The following STAU2 variants were observed in gnomAD, a reference collection of about 807,000 sequenced individuals.
STAU2 encodes the protein double-stranded RNA-binding protein Staufen homolog 2.
STAU2 carries 20 observed loss-of-function variants against 65.9 expected under a neutral mutation model. The ratio of observed to expected loss-of-function variants is 0.30; its 90% CI spans 0.21 to 0.44. STAU2 has a LOEUF of 0.44. STAU2 is among the 20% of genes least tolerant of loss of function. STAU2 has a pLI of 1.00. For synonymous variants in STAU2, 232 were observed against 233.9 expected (o/e 0.99, Z 0.07); for missense variants, 558 against 683.9 (o/e 0.82, Z 2.05).
At chr8:73,579,991 A>G (rs1809864175) in intron 12 of STAU2, among the ~76,000 whole-genome samples, 1 of 152,212 alleles carries the variant, frequency 6.6e-6, no homozygotes, top group South Asian at 2.1e-4. Flanking sequence ...CATGTACATT[A>G]ATGTTTTTTG....
At chr8:73,446,983 C>G (rs1369661127) in intron 13 of STAU2, among the ~76,000 whole-genome samples, 1 of 152,114 alleles carries the variant, frequency 6.6e-6, no homozygotes, top group Non-Finnish European at 1.5e-5. Context: ...GCTCTGTCAC[C>G]CAGGCTGGAG....
intron 12 of STAU2, among the ~76,000 whole-genome samples, chr8:73,567,554 C>CT (rs796990881): frequency 0.025 from 3,678 of 144,408 alleles, 169 homozygotes; most frequent in African/African-American, 0.085. Context: ...GTCTCTCTCT[C>CT]TTTTTTTTTT....
intron 6 of STAU2, among the ~76,000 whole-genome samples, chr8:73,630,188 T>C (rs569783563): frequency 6.6e-6 from 1 of 152,264 alleles, no homozygotes; most frequent in Non-Finnish European, 1.5e-5. Context: ...GAATGCACTA[T>C]GTGGATTTCA....
At chr8:73,492,513 T>G (rs1821200296) in intron 13 of STAU2, among the ~76,000 whole-genome samples, 1 of 151,832 alleles carries the variant, frequency 6.6e-6, no homozygotes, top group Non-Finnish European at 1.5e-5. Flanking sequence ...TTCTACATGA[T>G]TCAGAGTTAA....
At position 73,498,037 on chromosome 8, in the gene STAU2, TTGTG is replaced by T. The variant is rs562589501; in HGVS notation, c.1530+53971_1530+53974del. ...CTCTTAATGTCTAGCACAGGACACA[TTGTG>T]TTTGTAAATTTGCCAGTAAGATAAA... On this transcript the variant is annotated intron_variant, in intron 13 of 14. Coordinates refer to ENST00000524300, the MANE Select transcript of STAU2 (RefSeq NM_001164380.2). Among the ~76,000 whole-genome samples, 56 of 151,866 alleles carry T rather than the reference TTGTG, an allele frequency of 3.7e-4. 1 individual carries two copies. The highest frequency in any genetic ancestry group is 5.5e-4 in the Non-Finnish European group (37 of 67,866).
At position 73,526,657 on chromosome 8, in the gene STAU2, C is replaced by T. The variant is rs10087828; in HGVS notation, c.1530+25355G>A. Among the ~76,000 whole-genome samples, 1,293 of 152,218 alleles carry T rather than the reference C, an allele frequency of 8.5e-3. 15 individuals are homozygous for T. Among genetic ancestry groups the T allele is most frequent in the African/African-American group, 0.026 (1,086 of 41,524 alleles). On this transcript the variant is annotated intron_variant, in intron 13 of 14. Coordinates refer to ENST00000524300, the MANE Select transcript of STAU2 (RefSeq NM_001164380.2). ...TAGAAAGCATAACTGGTTAGTCATACAGAAAACATGTATGTCTACTTACTC... is the reference window on the plus strand; with the variant it reads ...TAGAAAGCATAACTGGTTAGTCATATAGAAAACATGTATGTCTACTTACTC...
At position 73,538,357 on chromosome 8, in the gene STAU2, C is replaced by T. The variant is rs981315349; in HGVS notation, c.1530+13655G>A. On this transcript the variant is annotated intron_variant, in intron 13 of 14. Coordinates refer to ENST00000524300, the MANE Select transcript of STAU2 (RefSeq NM_001164380.2). Reference sequence around the variant, plus strand: ...GGCCATTTACAATACGAAATAAAATCATTAGTGCTATGAATTAAGGAGAAT... The same window carrying T: ...GGCCATTTACAATACGAAATAAAATTATTAGTGCTATGAATTAAGGAGAAT... Among the ~76,000 whole-genome samples the T allele has an allele frequency of 1.9e-4, 29 of 152,044 alleles. 1 individual carries two copies. Among genetic ancestry groups the T allele is most frequent in the African/African-American group, 6.5e-4 (27 of 41,508 alleles).
chr8:73,654,637 CA>C (rs71269928), intron 6 of STAU2, among the ~76,000 whole-genome samples: 2,360 of 26,246 alleles, frequency 0.09, 12 homozygotes, highest in Middle Eastern at 0.33. Context: ...AAGATTGTCT[CA>C]AAAAAAAAAA....
intron 13 of STAU2, among the ~76,000 whole-genome samples, chr8:73,515,771 CTCTTTTTTT>C (rs1822675167): frequency 1.0e-5 from 1 of 95,378 alleles, no homozygotes; most frequent in Non-Finnish European, 2.1e-5. Flanking sequence ...GAAAAAATTT[CTCTTTTTTT>C]TTTTTTTTTT....
chr8:73,655,841 G>C (rs1028895056), intron 6 of STAU2, among the ~76,000 whole-genome samples: 2 of 151,690 alleles, frequency 1.3e-5, no homozygotes, highest in East Asian at 3.9e-4. Context: ...GTAGAGACAG[G>C]GTTTCACCGT....
chr8:73,671,622 T>C (rs1232462973), intron 6 of STAU2, among the ~76,000 whole-genome samples: 3 of 152,150 alleles, frequency 2.0e-5, no homozygotes, highest in African/African-American at 4.8e-5. Context: ...ATAGTGATTA[T>C]TTACTGCAGC....
rs372514902 is a variant in STAU2, at chr8:73,435,530, G to A, written c.1531-12828C>T. ...CAGGTAGCACTCCATATTTCTCTCC[G>A]CCTCTAACACACCCCTCAACCCCAC... is the stretch of plus-strand genomic sequence containing the variant. On this transcript the variant is annotated intron_variant, in intron 13 of 14. Coordinates refer to ENST00000524300, the MANE Select transcript of STAU2 (RefSeq NM_001164380.2). Among the ~76,000 whole-genome samples the A allele has an allele frequency of 1.5e-4, 23 of 151,878 alleles. 1 individual carries two copies. The highest frequency in any genetic ancestry group is 3.2e-4 in the African/African-American group (13 of 41,240).
intron 4 of STAU2, among the ~76,000 whole-genome samples, chr8:73,703,371 A>T (rs1820260523): frequency 6.6e-6 from 1 of 152,190 alleles, no homozygotes; most frequent in Non-Finnish European, 1.5e-5. Flanking sequence ...CCAAAAGCAG[A>T]TGCTGCTATG....
At chr8:73,510,075 CTTTT>C (rs1297931212) in intron 13 of STAU2, among the ~76,000 whole-genome samples, 2 of 150,800 alleles carry the variant, frequency 1.3e-5, no homozygotes, top group African/African-American at 4.9e-5. Context: ...TTTTCTTTTT[CTTTT>C]TTTTTGAGAC....
chr8:73,644,718 AAAG>A (rs1466100745), intron 6 of STAU2, among the ~76,000 whole-genome samples: 1 of 152,176 alleles, frequency 6.6e-6, no homozygotes, highest in Non-Finnish European at 1.5e-5. Flanking sequence ...GACAAAGAAA[AAAG>A]AAGACACAAA....
intron 13 of STAU2, chr8:73,527,727 A>G: frequency 1.3e-6 from 2 of 1,536,714 alleles, no homozygotes; most frequent in South Asian, 1.2e-5. Flanking sequence ...TTCCAATAGC[A>G]TGGAAAGTCA....
At chr8:73,703,500 G>A (rs1820272200) in intron 4 of STAU2, among the ~76,000 whole-genome samples, 1 of 152,154 alleles carries the variant, frequency 6.6e-6, no homozygotes, top group South Asian at 2.1e-4. Context: ...ATGAAGACTT[G>A]TATATAGATG....
intron 13 of STAU2, among the ~76,000 whole-genome samples, chr8:73,477,544 CA>C (rs1820383383): frequency 6.6e-6 from 1 of 152,188 alleles, no homozygotes; most frequent in African/African-American, 2.4e-5. Flanking sequence ...ATGATATGAA[CA>C]GCCTTGTGCT....
At chr8:73,559,733 C>T (rs916826630) in intron 12 of STAU2, among the ~76,000 whole-genome samples, 1 of 152,132 alleles carries the variant, frequency 6.6e-6, no homozygotes, top group Non-Finnish European at 1.5e-5. Flanking sequence ...TTCCTGCTGC[C>T]CTGTTGTTGG....
Sources: allele counts gnomAD v4.1 joint callset (sites outside exome capture counted in the v4.1 genomes callset), GRCh38; gene constraint gnomAD v4.1.1; transcripts MANE v1.5; gene names NCBI Gene and HGNC (gene_info 2026-07-23, HGNC 2026-07-21).